Variants in BBS7 observed in about 807,000 individuals in gnomAD.
The protein encoded by BBS7 is BBSome complex member BBS7.
Under a neutral mutation model 90.3 loss-of-function variants are expected in BBS7, and 50 were observed. The ratio of observed to expected loss-of-function variants is 0.55; its 90% confidence interval spans 0.44 to 0.70. The LOEUF (loss-of-function observed/expected upper bound fraction) is 0.70, where lower values mean the gene tolerates loss of function less well. BBS7 is among the 30% of genes least tolerant of loss of function. The pLI, the probability that BBS7 is intolerant of heterozygous loss-of-function variation, is 0.00. For synonymous variants in BBS7, 235 were observed against 287.4 expected, an observed-to-expected ratio of 0.82 and a Z score of 1.85; for missense variants, 729 against 838.9, an observed-to-expected ratio of 0.87 and a Z score of 1.62.
intron 13 of BBS7, 62 bp from the exon 14 acceptor site, chr4:121,835,345 A>G: frequency 6.3e-7 from 1 of 1,583,610 alleles, no homozygotes; most frequent in South Asian, 1.1e-5. Flanking sequence ...TATCTTTAGA[A>G]TGTTCAACAT....
At chr4:121,855,041 C>T (rs747448421) in intron 6 of BBS7, among the ~76,000 whole-genome samples, 4 of 151,978 alleles carry the variant, frequency 2.6e-5, no homozygotes, top group Admixed American at 2.0e-4. Context: ...GGTTGGGTGC[C>T]GTGGCTCATG....
At chr4:121,841,153 T>C (rs1214452607) in intron 12 of BBS7, among the ~76,000 whole-genome samples, 3 of 152,156 alleles carry the variant, frequency 2.0e-5, no homozygotes, top group Non-Finnish European at 4.4e-5. Flanking sequence ...AATGTGTTCT[T>C]GTATGATTAA....
intron 18 of BBS7, chr4:121,827,841 A>T (rs1048433): frequency 8.9e-6 from 9 of 1,015,420 alleles, no homozygotes; most frequent in Non-Finnish European, 9.7e-6. Context: ...CTAAGCTCTA[A>T]AGGTTCATAG....
chr4:121,845,836 C>T, intron 10 of BBS7, 140 bp from the exon 11 acceptor site: 1 of 743,952 alleles, frequency 1.3e-6, no homozygotes, highest in Non-Finnish European at 2.2e-6. Flanking sequence ...ACAAAGGGAG[C>T]AAAATTTTTG....
At chr4:121,832,474 G>A (rs985607130) in intron 15 of BBS7, among the ~76,000 whole-genome samples, 1 of 152,192 alleles carries the variant, frequency 6.6e-6, no homozygotes, top group Non-Finnish European at 1.5e-5. Context: ...TGCCCAAGAA[G>A]TAGGCCATTT....
At chr4:121,845,854 G>A (rs1421530316) in intron 10 of BBS7, among the ~76,000 whole-genome samples, 158 bp from the exon 11 acceptor site, 1 of 152,082 alleles carries the variant, frequency 6.6e-6, no homozygotes, top group African/African-American at 2.4e-5. Flanking sequence ...TTGCTTCTAT[G>A]ACTGACTAAA....
chr4:121,835,021 A>T, intron 14 of BBS7, 123 bp downstream of exon 14: 1 of 961,098 alleles, frequency 1.0e-6, no homozygotes, highest in Non-Finnish European at 1.5e-6. Context: ...TATAATATTT[A>T]AACTGTTTAT....
chr4:121,862,999 A>C (rs997308337), intron 3 of BBS7, among the ~76,000 whole-genome samples: 2 of 152,202 alleles, frequency 1.3e-5, no homozygotes, highest in African/African-American at 4.8e-5. Flanking sequence ...TACACAGCAT[A>C]GAAAAGTAAC....
intron 18 of BBS7, among the ~76,000 whole-genome samples, chr4:121,827,331 G>GT (rs1724960931): frequency 6.6e-6 from 1 of 152,222 alleles, no homozygotes; most frequent in Non-Finnish European, 1.5e-5. Flanking sequence ...TGGCTCTACA[G>GT]TGACTATGGA....
At chr4:121,863,357 T>G (rs925684029) in intron 2 of BBS7, 78 bp from the exon 3 acceptor site, 1 of 1,262,114 alleles carries the variant, frequency 7.9e-7, no homozygotes, top group South Asian at 1.3e-5. Context: ...GAAAGCAAGA[T>G]TCTTAATTTA....
At chr4:121,853,723 C>A (rs1224553403) in intron 7 of BBS7, among the ~76,000 whole-genome samples, 1 of 151,660 alleles carries the variant, frequency 6.6e-6, no homozygotes, top group African/African-American at 2.4e-5. Flanking sequence ...CCAATCCATT[C>A]TCCAGTGTCC....
At chr4:121,859,674 T>C (rs1035839494) in intron 4 of BBS7, among the ~76,000 whole-genome samples, 2 of 152,096 alleles carry the variant, frequency 1.3e-5, no homozygotes, top group African/African-American at 4.8e-5. Context: ...TGCAACTCAG[T>C]TTTTTGCTCG....
At chr4:121,862,679 T>C (rs192452639) in intron 3 of BBS7, among the ~76,000 whole-genome samples, 3 of 152,332 alleles carry the variant, frequency 2.0e-5, no homozygotes, top group Admixed American at 6.5e-5. Context: ...TGAATTAGAT[T>C]ACCATGTTGT....
At chr4:121,863,030 A>G (rs1187842032) in intron 3 of BBS7, among the ~76,000 whole-genome samples, 187 bp downstream of exon 3, 1 of 152,224 alleles carries the variant, frequency 6.6e-6, no homozygotes, top group East Asian at 1.9e-4. Context: ...AGGATGCCAA[A>G]GGTGCCTTAC....
At chr4:121,854,875 T>G in intron 6 of BBS7, 55 bp from the exon 7 acceptor site, 1 of 1,469,736 alleles carries the variant, frequency 6.8e-7, no homozygotes, top group South Asian at 1.2e-5. Flanking sequence ...GTAATCTCTT[T>G]AAAATTAAAA....
chr4:121,842,185 G>A (rs182295962), intron 12 of BBS7, among the ~76,000 whole-genome samples: 276 of 149,308 alleles, frequency 1.8e-3, no homozygotes, highest in Non-Finnish European at 3.2e-3. Context: ...CCTGGGAGGC[G>A]GAGGTTGCAG....
Position 121,855,778 on chromosome 4 carries a change from G to A in BBS7, c.529-217C>T, listed in dbSNP as rs9999982. Reference sequence around the variant, plus strand: ...TATATACACATATATACGTATAAATGTATACATATATACGTATATATACAG... The same window carrying A: ...TATATACACATATATACGTATAAATATATACATATATACGTATATATACAG... On this transcript the variant is annotated intron_variant, in intron 5 of 18. Coordinates refer to ENST00000264499, the MANE Select transcript of BBS7 (RefSeq NM_176824.3). 0.76 allele frequency among the ~76,000 whole-genome samples: 112,848 copies of A among 148,964 alleles called. 42,128 individuals are homozygous for A. The highest frequency in any genetic ancestry group is 0.86 in the East Asian group (4,435 of 5,144).
chr4:121,858,492 C>G (rs1726802988), intron 5 of BBS7: 2 of 158,588 alleles, frequency 1.3e-5, no homozygotes, highest in African/African-American at 4.8e-5. Flanking sequence ...GTGGTTTTTA[C>G]CAGAAATATA....
At chr4:121,829,951 ATTTAT>A (rs1725102274) in intron 15 of BBS7, among the ~76,000 whole-genome samples, 1 of 152,202 alleles carries the variant, frequency 6.6e-6, no homozygotes, top group African/African-American at 2.4e-5. Context: ...GAGCCGATAA[ATTTAT>A]TTTATTTGGT....
Sources: gnomAD v4.1 joint callset for allele counts (sites outside exome capture counted in the v4.1 genomes callset) on GRCh38, gnomAD v4.1.1 for gene constraint, MANE v1.5 for transcripts, NCBI Gene and HGNC (gene_info 2026-07-23, HGNC 2026-07-21) for gene names.